IFT172: variants seen among roughly 807,000 people sequenced by gnomAD.
The protein encoded by IFT172 is intraflagellar transport 172, also known as intraflagellar transport protein 172 homolog.
In IFT172, 164 loss-of-function variants were observed where a neutral mutation model predicts 248.9. The ratio of observed to expected loss-of-function variants is 0.66; its 90% CI spans 0.58 to 0.75. The LOEUF is 0.75. Ranked by LOEUF, IFT172 falls within the 30% of genes least tolerant of loss-of-function variation. IFT172 has a pLI of 0.00. For synonymous variants in IFT172, 729 were observed against 791.6 expected (o/e 0.92, Z 1.33); for missense variants, 1,950 against 2,192.4 (o/e 0.89, Z 2.21).
chr2:27,452,918 G>A (rs1665804747), intron 35 of IFT172, among the ~76,000 whole-genome samples: 1 of 152,116 alleles, frequency 6.6e-6, no homozygotes, highest in African/African-American at 2.4e-5. Flanking sequence ...TTAATTTGCT[G>A]GAAGCTTCTT....
In IFT172 at chr2:27,465,752, T is replaced by A. The variant is rs754306688; in HGVS notation, c.1823A>T (p.Tyr608Phe). The stretch of plus-strand genomic sequence containing the variant: ...TTATTGGCCAGCCTCTCACCGGATG[T>A]AGTTGCCATCATCAATGGCTGTTCC... ...EFGTAIDDGNYIRATAFLETL... is the reference protein window; with the variant it reads ...EFGTAIDDGNFIRATAFLETL... The change falls in exon 17 of 48, where the codon TAC (tyrosine) becomes TTC (phenylalanine). Residue 608 changes from tyrosine to phenylalanine, a missense_variant. Around this residue, in one of 3 missense-constraint regions of IFT172, gnomAD observed 1,166 missense variants for 1,254.1 expected, o/e 0.93. Transcript: ENST00000260570. The A allele has an allele frequency of 2.5e-6, 4 of 1,614,142 alleles. No individual in the cohort carries two copies. The highest frequency in any genetic ancestry group is 3.4e-6 in the Non-Finnish European group (4 of 1,180,018).
Position 27,478,130 on chromosome 2 carries a change from TC to T in IFT172, c.1031del (p.Gly344GlufsTer17), listed in dbSNP as rs1668102568. The T allele has an allele frequency of 6.2e-7, 1 of 1,614,048 alleles. No individual in the cohort carries two copies. The highest frequency in any genetic ancestry group is 1.7e-5 in the Admixed American group (1 of 59,994). On this transcript the variant is annotated frameshift_variant, in exon 11 of 48. Transcript: ENST00000260570. LOFTEE classifies it high-confidence loss of function. The part of the protein sequence containing the change: ...SQVIVKNLSS[G>X]TRVVLKSHYG... The stretch of plus-strand genomic sequence containing the variant: ...AGTGTGACTTGAGCACCACTCGGGT[TC>T]CTGATGACAGGTTCTTCACAATCAC...
intron 1 of IFT172, among the ~76,000 whole-genome samples, chr2:27,489,329 G>A (rs909040469): frequency 1.3e-5 from 2 of 152,232 alleles, no homozygotes; most frequent in East Asian, 1.9e-4. Context: ...CCTCTAATAC[G>A]AGCCTCCTGA....
intron 25 of IFT172, 61 bp downstream of exon 25, chr2:27,459,317 G>A: frequency 6.3e-7 from 1 of 1,577,184 alleles, no homozygotes; most frequent in South Asian, 1.2e-5. Context: ...CCTGCTTTGG[G>A]TTCTCTCATT....
intron 1 of IFT172, among the ~76,000 whole-genome samples, chr2:27,488,334 A>G (rs1166952061): frequency 6.6e-6 from 1 of 151,744 alleles, no homozygotes; most frequent in African/African-American, 2.4e-5. Context: ...TTGCATTTTT[A>G]GTAGAGATGG....
rs1477777983 is a variant in IFT172, at chr2:27,458,823, T to C, written c.2833A>G (p.Ile945Val). Residue 945 changes from isoleucine (I) to valine (V), a missense_variant, in exon 26 of 48, where the codon ATA becomes GTA. Coordinates refer to ENST00000260570, the MANE Select transcript of IFT172 (RefSeq NM_015662.3). ...YTKGDRTKDA[I>V]DMYTQAGRWE... ...CGACCAGCCTGGGTGTACATGTCTATGGCATCTTTTGTCCGATCTCCCTTA... is the reference window on the plus strand; with the variant it reads ...CGACCAGCCTGGGTGTACATGTCTACGGCATCTTTTGTCCGATCTCCCTTA... 1 of 1,614,194 alleles carries C rather than the reference T, an allele frequency of 6.2e-7. No individual in the cohort carries two copies. The highest frequency in any genetic ancestry group is 8.5e-7 in the Non-Finnish European group (1 of 1,180,036).
intron 14 of IFT172, chr2:27,475,483 TA>T (rs1374213812): frequency 2.6e-5 from 4 of 152,204 alleles, no homozygotes; most frequent in African/African-American, 9.6e-5. Context: ...TATCTTCTTT[TA>T]AAAAATTGGT....
rs375261962 is a variant in IFT172, at chr2:27,446,251, C to T, written c.4755+9G>A. The T allele has an allele frequency of 4.6e-5, 74 of 1,613,612 alleles. No individual in the cohort carries two copies. The highest frequency in any genetic ancestry group is 6.2e-5 in the Non-Finnish European group (73 of 1,179,636). On this transcript the variant is annotated intron_variant, in intron 43 of 47. Coordinates refer to ENST00000260570, the MANE Select transcript of IFT172 (RefSeq NM_015662.3). ...CCTATCTGCCCCACCCTTCCTTGTC[C>T]CAGCTCACCTTGGCAGCAATGCCTG...
chr2:27,454,306 G>A lies in IFT172; in HGVS notation c.3530+48C>T. 6.2e-7 allele frequency: 1 copy of A among 1,611,278 alleles called. No homozygotes were observed. The highest frequency in any genetic ancestry group is 1.1e-5 in the South Asian group (1 of 91,024). On this transcript the variant is annotated intron_variant, in intron 32 of 47. Coordinates refer to ENST00000260570, the MANE Select transcript of IFT172 (RefSeq NM_015662.3). The surrounding 1 kb of genome is among the most constrained non-coding windows in gnomAD (Gnocchi z 4.2). ...GTCAAGATAATCATGAAAGATCCTG[G>A]GACGGTGACTGGGGAAACAGTATTA...
At chr2:27,476,536 G>A in intron 14 of IFT172, 105 bp downstream of exon 14, 2 of 698,154 alleles carry the variant, frequency 2.9e-6, no homozygotes, top group Non-Finnish European at 5.1e-6. Flanking sequence ...TATTTACCTG[G>A]TGCGTCTCAG....
intron 29 of IFT172, among the ~76,000 whole-genome samples, chr2:27,457,198 A>G (rs1666230509): frequency 6.6e-6 from 1 of 152,206 alleles, no homozygotes; most frequent in South Asian, 2.1e-4. Flanking sequence ...AGATGTGGAC[A>G]TGGTTCTGGC....
At chr2:27,476,574 C>A in intron 14 of IFT172, 67 bp downstream of exon 14, 5 of 968,296 alleles carry the variant, frequency 5.2e-6, no homozygotes, top group Non-Finnish European at 8.2e-6. Flanking sequence ...TGAATGCAAT[C>A]CTGTGGTATG....
chr2:27,471,921 C>T, intron 15 of IFT172: 1 of 417,286 alleles, frequency 2.4e-6, no homozygotes. Context: ...GCCTGTAGTC[C>T]CAGCTACTGG....
chr2:27,473,256 G>A (rs192601685), intron 14 of IFT172, among the ~76,000 whole-genome samples: 2 of 148,754 alleles, frequency 1.3e-5, no homozygotes, highest in Admixed American at 1.3e-4. Context: ...TGTAGTCCCA[G>A]CTACTCGGGA....
Position 27,445,368 on chromosome 2 carries a change from C to T in IFT172, c.4996G>A (p.Glu1666Lys), listed in dbSNP as rs373098915. 1.8e-4 allele frequency: 296 copies of T among 1,613,002 alleles called. 1 individual carries two copies. Among genetic ancestry groups the T allele is most frequent in the Non-Finnish European group, 2.4e-4 (284 of 1,179,728 alleles). ...QRLEQVLPRD[E>K]RGAYEASLVA... ...AGGGAGGCCTCGTAGGCGCCACGCT[C>T]ATCCCGAGGCAGAACCTGCTCCAGC... The change falls in exon 46 of 48, where the codon GAG (glutamate) becomes AAG (lysine). Residue 1666 changes from glutamate (E) to lysine (K), a missense_variant. Physicochemically the swap from Glu to Lys is moderately conservative, Grantham distance 56. Coordinates refer to ENST00000260570, the MANE Select transcript of IFT172 (RefSeq NM_015662.3). The surrounding 1 kb of genome is among the most constrained non-coding windows in gnomAD (Gnocchi z 4.4).
chr2:27,474,350 G>A (rs924729608), intron 14 of IFT172, among the ~76,000 whole-genome samples: 2 of 152,156 alleles, frequency 1.3e-5, no homozygotes, highest in Admixed American at 6.5e-5. Context: ...GACAGAGATT[G>A]CGTTACAAAT....
chr2:27,457,621 G>A lies in IFT172; in HGVS notation c.3228+18C>T. The stretch of plus-strand genomic sequence containing the variant: ...AAGAAGGATGGATGTATCCCTCAGT[G>A]TGGCCTGAACTCCTTACCCTGTAGG... On this transcript the variant is annotated intron_variant, in intron 29 of 47. Coordinates refer to ENST00000260570, the MANE Select transcript of IFT172 (RefSeq NM_015662.3). 1 of 1,593,506 alleles carries A rather than the reference G, an allele frequency of 6.3e-7. No homozygotes were observed. Among genetic ancestry groups the A allele is most frequent in the South Asian group, 1.1e-5 (1 of 90,616 alleles).
At chr2:27,483,785 T>C in intron 5 of IFT172, 87 bp downstream of exon 5, 1 of 1,452,506 alleles carries the variant, frequency 6.9e-7, no homozygotes, top group Non-Finnish European at 9.7e-7. Context: ...CGCAACTTGA[T>C]CCTAAGAAAG....
intron 23 of IFT172, among the ~76,000 whole-genome samples, 168 bp downstream of exon 23, chr2:27,460,847 C>G (rs1157011113): frequency 1.4e-5 from 2 of 147,062 alleles, no homozygotes; most frequent in Non-Finnish European, 3.0e-5. Context: ...CCCCTTATTT[C>G]TTTCTCTATA....
Sources: gnomAD v4.1 joint callset for allele counts (sites outside exome capture counted in the v4.1 genomes callset) on GRCh38, gnomAD v4.1.1 for gene constraint, gnomAD v4.1.1 regional missense constraint, Gnocchi (gnomAD v3.1) non-coding constraint, MANE v1.5 for transcripts, NCBI Gene and HGNC (gene_info 2026-07-23, HGNC 2026-07-21) for gene names.